TSHZ2: variants seen among roughly 807,000 people sequenced by gnomAD.
TSHZ2 encodes the protein teashirt homolog 2.
A neutral mutation model predicts 74.4 loss-of-function variants in TSHZ2; 21 were observed. The ratio of observed to expected loss-of-function variants is 0.28; its 90% CI spans 0.20 to 0.41. TSHZ2 has a LOEUF of 0.41. Ranked by LOEUF, TSHZ2 falls within the 10% of genes least tolerant of loss-of-function variation. The pLI is 1.00. For synonymous variants in TSHZ2, 540 were observed against 515.3 expected, an observed-to-expected ratio of 1.05 and a Z score of -0.65; for missense variants, 1,244 against 1,293.5, an observed-to-expected ratio of 0.96 and a Z score of 0.59.
At chr20:52,983,664 A>G (rs543796708) in intron 1 of TSHZ2, among the ~76,000 whole-genome samples, 2 of 152,360 alleles carry the variant, frequency 1.3e-5, no homozygotes, top group South Asian at 2.1e-4. Flanking sequence ...CCAAAAGACG[A>G]TGATTTTCGT....
chr20:53,105,977 A>G (rs936715623), intron 1 of TSHZ2, among the ~76,000 whole-genome samples: 1 of 152,132 alleles, frequency 6.6e-6, no homozygotes, highest in African/African-American at 2.4e-5. Context: ...GCAAATAATA[A>G]TTGTACATAT....
intron 2 of TSHZ2, among the ~76,000 whole-genome samples, chr20:53,340,184 C>CTTTTTTTTTTTTTTTTTTTT (rs557613827): frequency 2.9e-4 from 32 of 109,868 alleles, no homozygotes; most frequent in East Asian, 2.6e-3. Flanking sequence ...TTTCTTTTTT[C>CTTTTTTTTTTTTTTTTTTTT]TTTTTTTTTT....
intron 1 of TSHZ2, among the ~76,000 whole-genome samples, chr20:53,034,487 A>G (rs1387833532): frequency 6.6e-6 from 1 of 152,234 alleles, no homozygotes; most frequent in Non-Finnish European, 1.5e-5. Flanking sequence ...CAGGGAGATG[A>G]CGAACTGGTG....
At chr20:53,452,649 G>A (rs1470434767) in intron 2 of TSHZ2, among the ~76,000 whole-genome samples, 1 of 150,294 alleles carries the variant, frequency 6.7e-6, no homozygotes, top group Non-Finnish European at 1.5e-5. Context: ...GTATCTCTCT[G>A]AGCCCACTGA....
At chr20:53,081,832 T>G (rs1455224254) in intron 1 of TSHZ2, among the ~76,000 whole-genome samples, 1 of 152,188 alleles carries the variant, frequency 6.6e-6, no homozygotes, top group Non-Finnish European at 1.5e-5. Context: ...GTGGTCCTTT[T>G]TAGAAACACA....
At chr20:53,156,349 G>A (rs1343914329) in intron 1 of TSHZ2, among the ~76,000 whole-genome samples, 1 of 152,162 alleles carries the variant, frequency 6.6e-6, no homozygotes, top group East Asian at 1.9e-4. Flanking sequence ...TGGAAGGATG[G>A]CAACTCAGTG....
chr20:53,099,058 T>C (rs181542762), intron 1 of TSHZ2, among the ~76,000 whole-genome samples: 7 of 152,272 alleles, frequency 4.6e-5, no homozygotes, highest in African/African-American at 1.2e-4. Context: ...CTACATATAA[T>C]TCTAGTCTCC....
At chr20:53,460,431 T>C (rs1985311173) in intron 2 of TSHZ2, among the ~76,000 whole-genome samples, 1 of 152,230 alleles carries the variant, frequency 6.6e-6, no homozygotes, top group Non-Finnish European at 1.5e-5. Flanking sequence ...GTATTGGTTA[T>C]TCTAGTTATG....
At chr20:53,243,106 G>T (rs1990110539) in intron 1 of TSHZ2, among the ~76,000 whole-genome samples, 1 of 152,124 alleles carries the variant, frequency 6.6e-6, no homozygotes, top group South Asian at 2.1e-4. Context: ...TGACCCATCC[G>T]ACGAAAGGCA....
At chr20:53,026,422 G>A (rs6126726) in intron 1 of TSHZ2, among the ~76,000 whole-genome samples, 78,210 of 150,816 alleles carry the variant, frequency 0.52, 20,527 homozygotes, top group South Asian at 0.6. Context: ...GCTCGATCTC[G>A]GTTCACTGCA....
intron 2 of TSHZ2, among the ~76,000 whole-genome samples, chr20:53,293,261 G>C (rs1336180482): frequency 6.6e-6 from 1 of 152,136 alleles, no homozygotes; most frequent in Non-Finnish European, 1.5e-5. Flanking sequence ...CCAGGAGTTT[G>C]AGACCAGCCT....
intron 2 of TSHZ2, among the ~76,000 whole-genome samples, chr20:53,300,014 A>C (rs2145479129): frequency 6.6e-6 from 1 of 152,362 alleles, no homozygotes; most frequent in Non-Finnish European, 1.5e-5. Context: ...ATTCCCTGCC[A>C]GGGACTTATT....
chr20:53,342,955 C>CTTTTTTTTTTTTTTTTTTT lies in TSHZ2; in HGVS notation c.*8+86395_*8+86413dup, dbSNP rs1175907478. 1.4e-3 allele frequency among the ~76,000 whole-genome samples: 88 copies of CTTTTTTTTTTTTTTTTTTT among 61,254 alleles called. 6 individuals carry two copies. Among genetic ancestry groups the CTTTTTTTTTTTTTTTTTTT allele is most frequent in the African/African-American group, 1.9e-3 (29 of 14,984 alleles). The allele number at this position is 61,254 out of a possible 152,430, so 40.2% of individuals were successfully genotyped here. A position where few individuals can be genotyped will look rare whatever the true frequency, so the allele number is the denominator to read the frequency against. ...TATTTCTTTTCTTTTCTTTTCTTTT[C>CTTTTTTTTTTTTTTTTTTT]TTTTTTTTTTTTTTTTTTTTTTTTT... On this transcript the variant is annotated intron_variant, in intron 2 of 2. Coordinates refer to ENST00000371497, the MANE Select transcript of TSHZ2 (RefSeq NM_173485.6).
At chr20:53,384,373 A>G (rs1981967987) in intron 2 of TSHZ2, among the ~76,000 whole-genome samples, 1 of 152,236 alleles carries the variant, frequency 6.6e-6, no homozygotes, top group South Asian at 2.1e-4. Flanking sequence ...ACTTTTAGCC[A>G]CACGCAGACC....
At chr20:53,324,857 C>A (rs988445045) in intron 2 of TSHZ2, among the ~76,000 whole-genome samples, 1 of 152,214 alleles carries the variant, frequency 6.6e-6, no homozygotes, top group African/African-American at 2.4e-5. Context: ...TGTGCCCAGG[C>A]TTCAACCCTG....
At chr20:52,983,875 A>G (rs1180368394) in intron 1 of TSHZ2, among the ~76,000 whole-genome samples, 1 of 152,170 alleles carries the variant, frequency 6.6e-6, no homozygotes, top group African/African-American at 2.4e-5. Flanking sequence ...TGGTGCTCCG[A>G]GCCCCCCAGG....
chr20:53,071,730 T>A (rs1389235389), intron 1 of TSHZ2, among the ~76,000 whole-genome samples: 2 of 152,164 alleles, frequency 1.3e-5, no homozygotes, highest in Non-Finnish European at 1.5e-5. Context: ...GTTTTATTGC[T>A]TATCCAAGAT....
At chr20:53,342,955 CTTTTTT>C (rs1175907478) in intron 2 of TSHZ2, among the ~76,000 whole-genome samples, 1 of 61,218 alleles carries the variant, frequency 1.6e-5, no homozygotes, top group African/African-American at 6.7e-5. Flanking sequence ...CTTTTCTTTT[CTTTTTT>C]TTTTTTTTTT....
chr20:53,276,544 C>T (rs1990949735), intron 2 of TSHZ2, among the ~76,000 whole-genome samples: 1 of 152,212 alleles, frequency 6.6e-6, no homozygotes, highest in South Asian at 2.1e-4. Flanking sequence ...CTCTCAGACA[C>T]AGTTTCTTCA....
Sources: gnomAD v4.1 joint callset for allele counts (sites outside exome capture counted in the v4.1 genomes callset) on GRCh38, gnomAD v4.1.1 for gene constraint, MANE v1.5 for transcripts, NCBI Gene and HGNC (gene_info 2026-07-23, HGNC 2026-07-21) for gene names.